Variants in JMJD1C observed in about 807,000 individuals in gnomAD.
The protein encoded by JMJD1C is jumonji domain containing 1C.
A neutral mutation model predicts 245.3 loss-of-function variants in JMJD1C; 31 were observed. The ratio of observed to expected loss-of-function variants is 0.13; its 90% CI spans 0.09 to 0.17. The LOEUF (loss-of-function observed/expected upper bound fraction) is 0.17. Ranked by LOEUF, JMJD1C falls within the 10% of genes least tolerant of loss-of-function variation. JMJD1C has a pLI of 1.00. For synonymous variants in JMJD1C, 1,057 were observed against 1,017.4 expected, an observed-to-expected ratio of 1.04 and a Z score of -0.74; for missense variants, 2,691 against 3,000.2, an observed-to-expected ratio of 0.90 and a Z score of 2.41.
chr10:63,315,389 T>G (rs1208362529), intron 2 of JMJD1C, among the ~76,000 whole-genome samples: 2 of 152,174 alleles, frequency 1.3e-5, no homozygotes, highest in African/African-American at 4.8e-5. Context: ...TCTTTTTGTG[T>G]TAATTTGTTT....
intron 8 of JMJD1C, among the ~76,000 whole-genome samples, chr10:63,211,684 T>C (rs944817645): frequency 2.0e-5 from 3 of 151,666 alleles, no homozygotes; most frequent in African/African-American, 7.3e-5. Flanking sequence ...CACCCCCAAC[T>C]GTGATCTCAC....
At chr10:63,277,396 G>A (rs923491250) in intron 2 of JMJD1C, among the ~76,000 whole-genome samples, 2 of 152,016 alleles carry the variant, frequency 1.3e-5, no homozygotes, top group African/African-American at 4.8e-5. Flanking sequence ...TTGTTATGCA[G>A]ACTAAAGTCT....
chr10:63,345,312 C>A (rs901810803), intron 2 of JMJD1C, among the ~76,000 whole-genome samples: 2 of 151,976 alleles, frequency 1.3e-5, no homozygotes, highest in African/African-American at 4.8e-5. Context: ...CATGGTGAAA[C>A]CCTGTCTCTA....
upstream of JMJD1C, chr10:63,466,240 G>A (rs1028097466): frequency 6.1e-6 from 1 of 162,648 alleles, no homozygotes; most frequent in Non-Finnish European, 1.3e-5. Context: ...CTTTGTATTC[G>A]TTGCTCCCTC....
At chr10:63,318,949 C>T (rs1273445818) in intron 2 of JMJD1C, among the ~76,000 whole-genome samples, 2 of 152,026 alleles carry the variant, frequency 1.3e-5, no homozygotes, top group African/African-American at 4.8e-5. Flanking sequence ...GCTTTAATAT[C>T]TGAATGACAA....
At chr10:63,321,837 G>A (rs1439567035) in intron 2 of JMJD1C, among the ~76,000 whole-genome samples, 2 of 152,156 alleles carry the variant, frequency 1.3e-5, no homozygotes, top group Non-Finnish European at 2.9e-5. Context: ...CCAAGAGGAT[G>A]CCCTCTCTCT....
intron 3 of JMJD1C, among the ~76,000 whole-genome samples, chr10:63,264,070 T>A (rs1343672998): frequency 6.6e-6 from 1 of 151,352 alleles, no homozygotes; most frequent in African/African-American, 2.4e-5. Flanking sequence ...TCTTAAAAAA[T>A]ATTTAGCTTA....
chr10:63,420,028 CAAG>C (rs1342019105), intron 1 of JMJD1C, among the ~76,000 whole-genome samples: 1 of 151,260 alleles, frequency 6.6e-6, no homozygotes, highest in African/African-American at 2.4e-5. Flanking sequence ...CCCAGCTACT[CAAG>C]AGGCTGAGGC....
At chr10:63,236,679 G>A (rs1850770676) in intron 3 of JMJD1C, among the ~76,000 whole-genome samples, 1 of 152,168 alleles carries the variant, frequency 6.6e-6, no homozygotes, top group Admixed American at 6.5e-5. Context: ...TTCCAAAGTA[G>A]TAACTGAAAA....
At chr10:63,203,917 C>T (rs187242599) in intron 10 of JMJD1C, 1 of 977,088 alleles carries the variant, frequency 1.0e-6, no homozygotes, top group East Asian at 1.1e-4. Context: ...AGAAAATAGA[C>T]ATTATTTAAT....
intron 3 of JMJD1C, chr10:63,222,362 T>G: frequency 1.8e-6 from 2 of 1,130,466 alleles, no homozygotes; most frequent in Non-Finnish European, 1.4e-6. Context: ...AAATCATATG[T>G]TTTTCAGTAC....
chr10:63,183,299 C>T (rs771255368), intron 22 of JMJD1C, 148 bp downstream of exon 22: 1 of 593,270 alleles, frequency 1.7e-6, no homozygotes, highest in Non-Finnish European at 2.9e-6. Flanking sequence ...ATTCAATCTT[C>T]AAGTAATAAG....
chr10:63,459,171 T>C (rs1361019787), intron 1 of JMJD1C, among the ~76,000 whole-genome samples: 1 of 152,246 alleles, frequency 6.6e-6, no homozygotes, highest in Non-Finnish European at 1.5e-5. Flanking sequence ...AGCACATTAA[T>C]ATTTCTCCTA....
chr10:63,197,544 T>A lies in JMJD1C; in HGVS notation c.5511A>T (p.Arg1837Ser). 6.4e-7 allele frequency: 1 copy of A among 1,554,244 alleles called. No homozygotes were observed. Among genetic ancestry groups the A allele is most frequent in the Non-Finnish European group, 8.7e-7 (1 of 1,155,078 alleles). The change falls in exon 13 of 26, where the codon AGA (arginine) becomes AGT (serine). Residue 1837 changes from arginine to serine, a missense_variant. Around this residue, in one of 9 missense-constraint regions of JMJD1C, gnomAD observed 139 missense variants for 270.5 expected, o/e 0.51. Coordinates refer to ENST00000399262, the MANE Select transcript of JMJD1C (RefSeq NM_032776.3). Reference sequence around the variant, plus strand: ...ACATCTCCCGGACTCCTCTCACTGCTCTTTTCCAGGCAATTTTGGCTGAAA... The same window carrying A: ...ACATCTCCCGGACTCCTCTCACTGCACTTTTCCAGGCAATTTTGGCTGAAA... ...VKKDAKIAWK[R>S]AVRGVREMCD...
intron 3 of JMJD1C, among the ~76,000 whole-genome samples, chr10:63,227,860 G>A (rs1365621810): frequency 6.6e-6 from 1 of 152,108 alleles, no homozygotes; most frequent in East Asian, 1.9e-4. Context: ...GAGATTGCTG[G>A]CAACAGTTTT....
At chr10:63,359,486 C>T (rs979504914) in intron 2 of JMJD1C, among the ~76,000 whole-genome samples, 2 of 152,118 alleles carry the variant, frequency 1.3e-5, no homozygotes, top group African/African-American at 4.8e-5. Context: ...TTTTATTTCC[C>T]TTGTTTCTTT....
At chr10:63,262,280 G>A (rs565955686) in intron 3 of JMJD1C, among the ~76,000 whole-genome samples, 1 of 152,072 alleles carries the variant, frequency 6.6e-6, no homozygotes, top group South Asian at 2.1e-4. Context: ...GTAATTACAC[G>A]AACTCTAAAT....
At chr10:63,361,713 C>A (rs1425898901) in intron 2 of JMJD1C, among the ~76,000 whole-genome samples, 2 of 79,594 alleles carry the variant, frequency 2.5e-5, no homozygotes, top group African/African-American at 6.0e-5. Flanking sequence ...ACAATACTGT[C>A]TCAACTAAAA....
At chr10:63,216,607 G>A (rs1182085212) in intron 5 of JMJD1C, among the ~76,000 whole-genome samples, 2 of 152,124 alleles carry the variant, frequency 1.3e-5, no homozygotes, top group Non-Finnish European at 2.9e-5. Flanking sequence ...CTACTCGGGA[G>A]GCTGAGGCAG....
Sources: allele counts gnomAD v4.1 joint callset (sites outside exome capture counted in the v4.1 genomes callset), GRCh38; gene constraint gnomAD v4.1.1; regional missense constraint gnomAD v4.1.1; transcripts MANE v1.5; gene names NCBI Gene and HGNC (gene_info 2026-07-23, HGNC 2026-07-21).